OLFM3: variants seen among roughly 807,000 people sequenced by gnomAD.
OLFM3 encodes olfactomedin 3.
OLFM3 carries 20 observed loss-of-function variants against 48.6 expected under a neutral mutation model. The observed-to-expected ratio is 0.41, with a 90% CI of 0.29 to 0.60. OLFM3 has a LOEUF of 0.60. Among genes scored for constraint, OLFM3 ranks in the 20% least tolerant of loss-of-function variants. The pLI, the probability that OLFM3 is intolerant of heterozygous loss-of-function variation, is 0.28. For missense variants in OLFM3, 437 were observed against 544.3 expected, an observed-to-expected ratio of 0.80 and a Z score of 1.96; for synonymous variants, 222 against 198.1, an observed-to-expected ratio of 1.12 and a Z score of -1.01.
chr1:101,945,869 T>A (rs201125830), intron 1 of OLFM3, among the ~76,000 whole-genome samples: 10,635 of 63,730 alleles, frequency 0.17, 435 homozygotes, highest in East Asian at 0.37. Flanking sequence ...CAATTAAAAT[T>A]TTTTTAAAAA....
chr1:101,969,991 G>A (rs1367958498), intron 1 of OLFM3, among the ~76,000 whole-genome samples: 4 of 151,986 alleles, frequency 2.6e-5, no homozygotes, highest in Non-Finnish European at 5.9e-5. Flanking sequence ...TGCCCTTCAG[G>A]CTACAGGTTG....
At chr1:101,812,861 C>A in intron 4 of OLFM3, 1 of 992,504 alleles carries the variant, frequency 1.0e-6, no homozygotes, top group Non-Finnish European at 1.2e-6. Context: ...TTACTCCAGT[C>A]AATCATACCT....
chr1:101,856,617 C>T (rs1244879009), intron 1 of OLFM3, among the ~76,000 whole-genome samples: 1 of 151,826 alleles, frequency 6.6e-6, no homozygotes, highest in Non-Finnish European at 1.5e-5. Context: ...TTTTTGTTCT[C>T]TCCACATTTT....
chr1:101,820,311 G>A (rs1361787978), intron 4 of OLFM3, among the ~76,000 whole-genome samples: 1 of 152,024 alleles, frequency 6.6e-6, no homozygotes, highest in African/African-American at 2.4e-5. Flanking sequence ...GCACTAACAG[G>A]AGGGAGTTGG....
intron 1 of OLFM3, among the ~76,000 whole-genome samples, chr1:101,960,977 G>A (rs1190138981): frequency 6.6e-6 from 1 of 152,054 alleles, no homozygotes; most frequent in African/African-American, 2.4e-5. Context: ...TAAGTCTTAA[G>A]CTTAAGAATA....
chr1:101,963,775 A>T (rs1162647580), intron 1 of OLFM3, among the ~76,000 whole-genome samples: 1 of 152,134 alleles, frequency 6.6e-6, no homozygotes, highest in Non-Finnish European at 1.5e-5. Flanking sequence ...CTCATATGGG[A>T]CTGGAAATCT....
chr1:101,898,985 T>C (rs1658299423), intron 1 of OLFM3, among the ~76,000 whole-genome samples: 1 of 152,170 alleles, frequency 6.6e-6, no homozygotes, highest in South Asian at 2.1e-4. Flanking sequence ...AAAAAGCAAT[T>C]ATATGAAGTA....
At chr1:101,825,467 CT>C (rs1377869171) in intron 3 of OLFM3, among the ~76,000 whole-genome samples, 24 of 152,076 alleles carry the variant, frequency 1.6e-4, no homozygotes, top group Admixed American at 1.3e-3. Context: ...TTCTTTAATG[CT>C]TAGTTTTCTA....
chr1:101,846,786 A>G (rs1365748167), intron 1 of OLFM3: 1 of 1,307,782 alleles, frequency 7.6e-7, no homozygotes, highest in African/African-American at 1.5e-5. Flanking sequence ...AATTTACAAA[A>G]CAAAGCCCAC....
intron 1 of OLFM3, among the ~76,000 whole-genome samples, chr1:101,881,404 A>G (rs1657520166): frequency 6.6e-6 from 1 of 151,826 alleles, no homozygotes; most frequent in Non-Finnish European, 1.5e-5. Context: ...AAAGCCTCTC[A>G]CTTGAACCCA....
intron 1 of OLFM3, among the ~76,000 whole-genome samples, chr1:101,845,164 C>CTTATTATTATT (rs1655930475): frequency 6.6e-6 from 1 of 151,720 alleles, no homozygotes; most frequent in Non-Finnish European, 1.5e-5. Flanking sequence ...TTATTTTCTT[C>CTTATTATTATT]TTCTTATTAT....
intron 4 of OLFM3, among the ~76,000 whole-genome samples, chr1:101,818,411 A>T (rs2100883696): frequency 6.6e-6 from 1 of 152,278 alleles, no homozygotes; most frequent in East Asian, 1.9e-4. Flanking sequence ...GAAAGAATAA[A>T]ATGCATAGCA....
chr1:101,967,795 A>C (rs1378872077), intron 1 of OLFM3, among the ~76,000 whole-genome samples: 1 of 152,092 alleles, frequency 6.6e-6, no homozygotes, highest in Non-Finnish European at 1.5e-5. Context: ...GTATCCTGAG[A>C]AACAGGAATG....
intron 4 of OLFM3, among the ~76,000 whole-genome samples, chr1:101,820,612 C>A (rs1038675575): frequency 1.3e-5 from 2 of 152,106 alleles, no homozygotes; most frequent in Non-Finnish European, 2.9e-5. Flanking sequence ...TTCTCCAAAC[C>A]TTTAATTTTC....
intron 1 of OLFM3, among the ~76,000 whole-genome samples, chr1:101,914,468 C>A (rs1053141481): frequency 1.4e-4 from 22 of 152,296 alleles, no homozygotes; most frequent in African/African-American, 4.8e-4. Flanking sequence ...AGTTCTTAAA[C>A]AAGTCTGAGT....
intron 1 of OLFM3, among the ~76,000 whole-genome samples, chr1:101,895,017 A>G (rs1016461249): frequency 6.6e-6 from 1 of 152,096 alleles, no homozygotes; most frequent in African/African-American, 2.4e-5. Context: ...AATGAATACA[A>G]TACTCATAAA....
chr1:101,965,597 C>A (rs940195828), intron 1 of OLFM3, among the ~76,000 whole-genome samples: 6 of 152,118 alleles, frequency 3.9e-5, no homozygotes, highest in African/African-American at 1.4e-4. Flanking sequence ...GGTATCAAAC[C>A]AAGAACCATA....
intron 1 of OLFM3, among the ~76,000 whole-genome samples, chr1:101,965,430 G>A (rs147503288): frequency 4.6e-5 from 7 of 152,290 alleles, no homozygotes; most frequent in Non-Finnish European, 8.8e-5. Context: ...CAGTACAACT[G>A]CTGGTAAAAG....
At chr1:101,923,773 TAGAC>T (rs1365134803) in intron 1 of OLFM3, among the ~76,000 whole-genome samples, 5 of 152,168 alleles carry the variant, frequency 3.3e-5, no homozygotes, top group African/African-American at 1.2e-4. Flanking sequence ...GTGCAGAACT[TAGAC>T]AGTTACAGTT....
Sources: gnomAD v4.1 joint callset for allele counts (sites outside exome capture counted in the v4.1 genomes callset) on GRCh38, gnomAD v4.1.1 for gene constraint, MANE v1.5 for transcripts, NCBI Gene and HGNC (gene_info 2026-07-23, HGNC 2026-07-21) for gene names.